Variants in THAP6 observed in about 807,000 individuals in gnomAD.
The protein encoded by THAP6 is THAP domain-containing protein 6.
In THAP6, 13 loss-of-function variants were observed where a neutral mutation model predicts 20.0. The ratio of observed to expected loss-of-function variants is 0.65; its 90% CI spans 0.42 to 1.03. The LOEUF (loss-of-function observed/expected upper bound fraction) is 1.03. THAP6 is among the 50% of genes least tolerant of loss of function. THAP6 has a pLI of 0.00. For missense variants in THAP6, 262 were observed against 261.6 expected (o/e 1.00, Z -0.01); for synonymous variants, 93 against 92.2 (o/e 1.01, Z -0.05).
intron 3 of THAP6, chr4:75,544,378 G>A (rs1013308563): frequency 2.6e-5 from 4 of 151,810 alleles, no homozygotes; most frequent in South Asian, 2.1e-4. Flanking sequence ...GCGCAATCTC[G>A]GCTCATCACT....
chr4:75,540,219 A>T (rs978705917), intron 2 of THAP6, among the ~76,000 whole-genome samples: 5 of 152,222 alleles, frequency 3.3e-5, no homozygotes, highest in Non-Finnish European at 5.9e-5. Flanking sequence ...TTGGAGCAGA[A>T]TGTAGATCGA....
chr4:75,529,231 A>C lies in THAP6; in HGVS notation c.*2017A>C, dbSNP rs923840121. Reference sequence around the variant, plus strand: ...GTGAATATATAAATTAAAGTAAGACAATGGAGTAAGTAAGAGGGTAGATCC... The same window carrying C: ...GTGAATATATAAATTAAAGTAAGACCATGGAGTAAGTAAGAGGGTAGATCC... On this transcript the variant is annotated 3_prime_UTR_variant, in exon 5 of 5. Transcript: ENST00000311638. 1.0e-6 allele frequency: 1 copy of C among 984,928 alleles called. No homozygotes were observed. Among genetic ancestry groups the C allele is most frequent in the African/African-American group, 1.7e-5 (1 of 57,210 alleles). The allele number at this position is 984,928 out of a possible 1,614,324, so 61.0% of individuals were successfully genotyped here.
chr4:75,525,999 C>T (rs1726341232), intron 4 of THAP6, among the ~76,000 whole-genome samples: 2 of 152,224 alleles, frequency 1.3e-5, no homozygotes, highest in Admixed American at 1.3e-4. Context: ...GTGCAGCTCT[C>T]ACCTGTCTAG....
At chr4:75,539,924 A>G (rs1304347270) in intron 2 of THAP6, 3 of 1,536,024 alleles carry the variant, frequency 2.0e-6, no homozygotes, top group African/African-American at 2.7e-5. Context: ...AATGCATTTC[A>G]TAGGGAATGG....
At chr4:75,538,436 G>A (rs2148830926) in intron 2 of THAP6, among the ~76,000 whole-genome samples, 1 of 151,370 alleles carries the variant, frequency 6.6e-6, no homozygotes, top group African/African-American at 2.4e-5. Context: ...GGCCAGGGAA[G>A]CCTGGCTTGT....
chr4:75,545,463 G>C (rs1182296014), intron 3 of THAP6, among the ~76,000 whole-genome samples: 2 of 152,178 alleles, frequency 1.3e-5, no homozygotes, highest in Non-Finnish European at 2.9e-5. Context: ...AGAAATCCCA[G>C]CAGAAGATGC....
intron 3 of THAP6, among the ~76,000 whole-genome samples, chr4:75,546,030 T>G (rs930982898): frequency 2.0e-5 from 3 of 152,218 alleles, no homozygotes; most frequent in African/African-American, 7.2e-5. Flanking sequence ...GTTTTTTTCC[T>G]TCTCAGGCTG....
At chr4:75,514,130 C>T (rs142909055), upstream of THAP6, 2,625 of 1,566,026 alleles carry the variant, frequency 1.7e-3, 22 homozygotes, top group South Asian at 2.9e-3. Context: ...AGCCTAACCA[C>T]CTGCCCAGCC....
chr4:75,517,094 C>G (rs555043282), intron 3 of THAP6, 115 bp downstream of exon 3: 1 of 722,158 alleles, frequency 1.4e-6, no homozygotes, highest in Non-Finnish European at 2.2e-6. Flanking sequence ...TCTCAGCTCA[C>G]TGCAATCTCT....
Position 75,545,947 on chromosome 4 carries a change from C to G in THAP6, c.243+3461C>G, listed in dbSNP as rs577327110. On this transcript the variant is annotated intron_variant, in intron 3 of 4. Coordinates refer to the THAP6 transcript ENST00000502620. ...TGAGAGGCAGCTCTGCGGGCCCACC[C>G]TAGAACTGCGTGTGGACAGCTAGAA... is the stretch of plus-strand genomic sequence containing the variant. 5.7e-4 allele frequency among the ~76,000 whole-genome samples: 87 copies of G among 152,276 alleles called. 1 individual carries two copies. Among genetic ancestry groups the G allele is most frequent in the African/African-American group, 1.9e-3 (79 of 41,566 alleles).
chr4:75,530,038 G>A, downstream of THAP6: 1 of 981,258 alleles, frequency 1.0e-6, no homozygotes, highest in African/African-American at 1.7e-5. Context: ...GTGTTATGTG[G>A]TTTTATACAT....
chr4:75,541,196 G>A lies in THAP6; in HGVS notation c.166-1213G>A, dbSNP rs182514767. On this transcript the variant is annotated intron_variant, in intron 2 of 4. Coordinates refer to the THAP6 transcript ENST00000502620. ...ATGTGCCACGTGAGGGCTACGTGAG[G>A]ACTGTTCATGAAAGCATAAAGTAGA... is the stretch of plus-strand genomic sequence containing the variant. Among the ~76,000 whole-genome samples, 167 of 152,252 alleles carry A rather than the reference G, an allele frequency of 1.1e-3. 1 individual carries two copies. Among genetic ancestry groups the A allele is most frequent in the Middle Eastern group, 6.8e-3 (2 of 292 alleles).
rs369333496 is a variant in THAP6, at chr4:75,536,372, GAA to G, written c.166-6034_166-6033del. Among the ~76,000 whole-genome samples the G allele has an allele frequency of 4.6e-3, 693 of 152,256 alleles. 8 individuals are homozygous for G. Among genetic ancestry groups the G allele is most frequent in the African/African-American group, 0.016 (649 of 41,532 alleles). Reference sequence around the variant, plus strand: ...CCAGCTACTCAGGAGGCTGAGGCAGGAAAATTGCTTGAACCTGGGAGGTGGAG... The same window carrying G: ...CCAGCTACTCAGGAGGCTGAGGCAGGAATTGCTTGAACCTGGGAGGTGGAG... On this transcript the variant is annotated intron_variant, in intron 2 of 4. Coordinates refer to the THAP6 transcript ENST00000502620.
intron 2 of THAP6, among the ~76,000 whole-genome samples, chr4:75,536,042 T>A (rs139589643): frequency 0.014 from 2,125 of 152,344 alleles, 29 homozygotes; most frequent in Middle Eastern, 0.031. Context: ...TGCAAGAAAG[T>A]CTTTGGTCTC....
upstream of THAP6, chr4:75,514,450 G>C: frequency 1.3e-6 from 1 of 742,784 alleles, no homozygotes; most frequent in Admixed American, 3.0e-5. Flanking sequence ...CGGTTCCCGG[G>C]GCTACGAGGC....
At position 75,527,072 on chromosome 4, in the gene THAP6, A is replaced by G. The variant is rs1252258694; in HGVS notation, c.527A>G (p.Glu176Gly). Reference sequence around the variant, plus strand: ...AGTCTACGGAATGTTTTAGACCGAGAAAAACGTTTTCAGAAATCATTGAGG... The same window carrying G: ...AGTCTACGGAATGTTTTAGACCGAGGAAAACGTTTTCAGAAATCATTGAGG... Reference protein sequence around the residue: ...KESLRNVLDREKRFQKSLRKT... With the variant: ...KESLRNVLDRGKRFQKSLRKT... Residue 176 changes from glutamate (E) to glycine (G), a missense_variant, in exon 5 of 5, where the codon GAA (glutamate) becomes GGA (glycine). Glu to Gly is a moderately conservative substitution (Grantham distance 98). Coordinates refer to ENST00000311638, the MANE Select transcript of THAP6 (RefSeq NM_144721.6). 1 of 1,614,004 alleles carries G rather than the reference A, an allele frequency of 6.2e-7. No individual in the cohort carries two copies. The highest frequency in any genetic ancestry group is 8.5e-7 in the Non-Finnish European group (1 of 1,180,002).
intron 2 of THAP6, among the ~76,000 whole-genome samples, chr4:75,536,927 G>A (rs1026716063): frequency 2.0e-5 from 3 of 152,150 alleles, no homozygotes; most frequent in African/African-American, 7.2e-5. Context: ...GGTAATAATA[G>A]ACAAAATCGA....
Position 75,527,162 on chromosome 4 carries a change from C to G in THAP6, c.617C>G (p.Thr206Ser), listed in dbSNP as rs752362349. The part of the protein sequence containing the change: ...ISQETANRLD[T>S]FCWDCCQESI... ...CAAGAAACAGCAAATAGACTGGACA[C>G]TTTCTGTTGGGACTGTTGTCAGGAG... Residue 206 changes from threonine to serine, a missense_variant, in exon 5 of 5, where the codon ACT becomes AGT. Physicochemically the swap from Thr to Ser is moderately conservative, Grantham distance 58 (BLOSUM62 1). Transcript: ENST00000311638. 1 of 1,613,970 alleles carries G rather than the reference C, an allele frequency of 6.2e-7. No individual in the cohort carries two copies. The highest frequency in any genetic ancestry group is 1.3e-5 in the African/African-American group (1 of 74,936).
At chr4:75,514,450 G>A, upstream of THAP6, 1 of 742,784 alleles carries the variant, frequency 1.3e-6, no homozygotes, top group Admixed American at 3.0e-5. Context: ...CGGTTCCCGG[G>A]GCTACGAGGC....
Sources: allele counts gnomAD v4.1 joint callset (sites outside exome capture counted in the v4.1 genomes callset), GRCh38; gene constraint gnomAD v4.1.1; transcripts MANE v1.5; gene names NCBI Gene and HGNC (gene_info 2026-07-23, HGNC 2026-07-21).